The following MAP3K2 variants were observed in gnomAD, a reference collection of about 807,000 sequenced individuals.
The protein encoded by MAP3K2 is mitogen-activated protein kinase kinase kinase 2, also known as MAP/ERK kinase kinase 2.
MAP3K2 carries 24 observed loss-of-function variants against 80.3 expected under a neutral mutation model. That is an observed-to-expected ratio of 0.30 (90% CI 0.22 to 0.42). The LOEUF is 0.42. Ranked by LOEUF, MAP3K2 falls within the 10% of genes least tolerant of loss-of-function variation. The pLI, the probability that MAP3K2 is intolerant of heterozygous loss-of-function variation, is 1.00. For missense variants in MAP3K2, 608 were observed against 750.1 expected (o/e 0.81, Z 2.21); for synonymous variants, 244 against 253.7 (o/e 0.96, Z 0.36).
chr2:127,324,025 AT>A, intron 10 of MAP3K2, 31 bp from the exon 11 acceptor site: 4 of 1,185,782 alleles, frequency 3.4e-6, no homozygotes, highest in Non-Finnish European at 4.7e-6. Context: ...GTTATCTTTT[AT>A]TTAAAAAAAA....
chr2:127,377,015 C>G (rs1202546819), intron 1 of MAP3K2, among the ~76,000 whole-genome samples: 1 of 151,778 alleles, frequency 6.6e-6, no homozygotes, highest in African/African-American at 2.4e-5. Context: ...GAGCAGTGAT[C>G]CTGACACTGC....
At chr2:127,388,081 T>TG (rs1223027742), upstream of MAP3K2, 1 of 981,814 alleles carries the variant, frequency 1.0e-6, no homozygotes, top group African/African-American at 1.8e-5. Flanking sequence ...CCCAGGGGAG[T>TG]GGGTCGGCGC....
chr2:127,329,215 AT>A (rs1038511034), intron 7 of MAP3K2, among the ~76,000 whole-genome samples: 2 of 152,222 alleles, frequency 1.3e-5, no homozygotes, highest in African/African-American at 4.8e-5. Context: ...AAAGCATAAT[AT>A]AAAAATTCTT....
chr2:127,342,586 C>T (rs903787142), intron 2 of MAP3K2, among the ~76,000 whole-genome samples: 1 of 152,096 alleles, frequency 6.6e-6, no homozygotes, highest in Admixed American at 6.6e-5. Context: ...TTCGTGACTC[C>T]ATTTCCTTCT....
intron 6 of MAP3K2, 29 bp downstream of exon 6, chr2:127,330,363 C>G: frequency 8.7e-7 from 1 of 1,152,054 alleles, no homozygotes; most frequent in Non-Finnish European, 1.3e-6. Flanking sequence ...TCCTATAATT[C>G]TTACTGAAAA....
At chr2:127,388,076 G>T, upstream of MAP3K2, 1 of 984,084 alleles carries the variant, frequency 1.0e-6, no homozygotes, top group Non-Finnish European at 1.2e-6. Context: ...CCCGGCCCAG[G>T]GGAGTGGGTC....
intron 15 of MAP3K2, among the ~76,000 whole-genome samples, chr2:127,314,368 T>C (rs904611069): frequency 1.3e-5 from 2 of 152,204 alleles, no homozygotes; most frequent in Admixed American, 6.5e-5. Flanking sequence ...CATTTAAGAA[T>C]GAGGAACTGA....
At chr2:127,326,918 C>G (rs1686152173) in intron 7 of MAP3K2, 101 bp from the exon 8 acceptor site, 3 of 697,000 alleles carry the variant, frequency 4.3e-6, no homozygotes, top group Non-Finnish European at 6.6e-6. Context: ...ATAATTTCAG[C>G]AAAAGAAAAT....
intron 1 of MAP3K2, among the ~76,000 whole-genome samples, chr2:127,351,270 C>T (rs1356843318): frequency 6.6e-6 from 1 of 152,074 alleles, no homozygotes; most frequent in Non-Finnish European, 1.5e-5. Context: ...CTCATTTTGA[C>T]AGTTGGATTC....
chr2:127,356,494 CTTAGGCTAATTT>C (rs1336409364), intron 1 of MAP3K2, among the ~76,000 whole-genome samples: 1 of 152,132 alleles, frequency 6.6e-6, no homozygotes, highest in Non-Finnish European at 1.5e-5. Context: ...GTGAGCCTGG[CTTAGGCTAATTT>C]TTTATTAGCC....
chr2:127,374,618 G>A (rs1297776186), intron 1 of MAP3K2, among the ~76,000 whole-genome samples: 4 of 152,172 alleles, frequency 2.6e-5, no homozygotes, highest in African/African-American at 4.8e-5. Context: ...GATGTTACAC[G>A]CATCCCTGAA....
Position 127,358,351 on chromosome 2 carries a change from C to T in MAP3K2, c.-65-15157G>A, listed in dbSNP as rs76812776. ...TGTTGAGAATGTCAAATGGTACAAC[C>T]GCTTTGGAAAACAGTTTGGCAGTTT... On this transcript the variant is annotated intron_variant, in intron 1 of 16. Transcript: ENST00000682094. Among the ~76,000 whole-genome samples the T allele has an allele frequency of 6.8e-4, 103 of 152,230 alleles. 4 individuals carry two copies. In the East Asian group the frequency reaches 0.015, roughly 22 times the overall value.
Position 127,322,053 on chromosome 2 carries a change from G to A in MAP3K2, c.1038C>T (p.Pro346=). ...CCAAGTTCTATTACTTACAACGGCT[G>A]GGTGGGCTGATGTCCATTACGGTCA... ...PTLTVMDISP[P]SRSPRAPTNW... is the part of the protein sequence containing the mutation. The change falls in exon 12 of 17, where the codon CCC becomes CCT. Residue 346 remains proline (P), a synonymous_variant. Transcript: ENST00000682094. This position sits in a 1 kb window ranked among gnomAD's most constrained non-coding sequence, Gnocchi z 4.2. The A allele has an allele frequency of 6.2e-7, 1 of 1,612,742 alleles. No individual in the cohort carries two copies. The highest frequency in any genetic ancestry group is 8.5e-7 in the Non-Finnish European group (1 of 1,179,266).
chr2:127,370,630 T>C (rs544843666), intron 1 of MAP3K2, among the ~76,000 whole-genome samples: 24 of 152,298 alleles, frequency 1.6e-4, no homozygotes, highest in African/African-American at 5.3e-4. Flanking sequence ...ATGCAAACTG[T>C]TGTATCCCAT....
chr2:127,338,101 C>T (rs577105198), intron 3 of MAP3K2, among the ~76,000 whole-genome samples: 1 of 152,132 alleles, frequency 6.6e-6, no homozygotes, highest in African/African-American at 2.4e-5. Flanking sequence ...GCTGAGTATC[C>T]AAAACTAATT....
chr2:127,340,200 TCAC>T (rs1359745680), intron 2 of MAP3K2, among the ~76,000 whole-genome samples: 1 of 152,196 alleles, frequency 6.6e-6, no homozygotes, highest in Non-Finnish European at 1.5e-5. Flanking sequence ...TTATAATCCT[TCAC>T]CAAGGATTTT....
At chr2:127,334,411 T>C (rs1686324942) in intron 5 of MAP3K2, among the ~76,000 whole-genome samples, 1 of 152,188 alleles carries the variant, frequency 6.6e-6, no homozygotes, top group South Asian at 2.1e-4. Context: ...TATGAGATAA[T>C]AATTCAAGTT....
intron 7 of MAP3K2, among the ~76,000 whole-genome samples, chr2:127,327,600 T>G (rs947621002): frequency 6.6e-6 from 1 of 152,004 alleles, no homozygotes; most frequent in Non-Finnish European, 1.5e-5. Flanking sequence ...TTTTGTCTCC[T>G]TATTTGACAA....
intron 1 of MAP3K2, among the ~76,000 whole-genome samples, chr2:127,360,411 C>A (rs371930345): frequency 1.1e-4 from 17 of 149,170 alleles, no homozygotes; most frequent in Admixed American, 2.0e-4. Flanking sequence ...CTAGGAACAA[C>A]GGATAGAGGT....
Sources: allele counts gnomAD v4.1 joint callset (sites outside exome capture counted in the v4.1 genomes callset), GRCh38; gene constraint gnomAD v4.1.1; non-coding constraint Gnocchi (gnomAD v3.1); transcripts MANE v1.5; gene names NCBI Gene and HGNC (gene_info 2026-07-23, HGNC 2026-07-21).